Variants in C1orf185 observed in about 807,000 individuals in gnomAD.
C1orf185 encodes the protein uncharacterized protein C1orf185.
C1orf185 carries 13 observed loss-of-function variants against 16.1 expected under a neutral mutation model. That is an observed-to-expected ratio of 0.81 (90% confidence interval 0.53 to 1.28). The LOEUF is 1.28. Among genes scored for constraint, C1orf185 ranks in the 50% most tolerant of loss-of-function variants. The probability of loss-of-function intolerance (pLI) is 0.00; values close to 1 mark genes in which losing one functional copy is unlikely to be tolerated. For missense variants in C1orf185, 220 were observed against 225.2 expected, an observed-to-expected ratio of 0.98 and a Z score of 0.15; for synonymous variants, 80 against 76.9, an observed-to-expected ratio of 1.04 and a Z score of -0.21.
At position 51,147,912 on chromosome 1, in the gene C1orf185, TC is replaced by T; in HGVS notation, c.*143del. On this transcript the variant is annotated 3_prime_UTR_variant, in exon 5 of 5. Coordinates refer to ENST00000371759, the MANE Select transcript of C1orf185 (RefSeq NM_001136508.2). Reference sequence around the variant, plus strand: ...ATCAGCTTCTGAGTCTCTTAACATGTCCATGCTAATATTGCTTTTTTTGTTC... The same window carrying T: ...ATCAGCTTCTGAGTCTCTTAACATGTCATGCTAATATTGCTTTTTTTGTTC... The T allele has an allele frequency of 1.4e-6, 1 of 734,978 alleles. No individual in the cohort carries two copies. The highest frequency in any genetic ancestry group is 2.1e-6 in the Non-Finnish European group (1 of 481,128). 45.5% of individuals were successfully genotyped at this position (734,978 alleles called of 1,614,324 possible).
intron 3 of C1orf185, among the ~76,000 whole-genome samples, chr1:51,142,654 A>G (rs1293135716): frequency 6.6e-6 from 1 of 152,194 alleles, no homozygotes; most frequent in Non-Finnish European, 1.5e-5. Flanking sequence ...TTCCACATCA[A>G]CTAAGTTGTC....
chr1:51,126,761 A>T (rs911098352), intron 3 of C1orf185, among the ~76,000 whole-genome samples: 7 of 152,224 alleles, frequency 4.6e-5, no homozygotes, highest in African/African-American at 1.4e-4. Context: ...ACACTGGTAC[A>T]TTATTATTAA....
At chr1:51,102,382 G>A (rs889740152) in intron 1 of C1orf185, 133 bp downstream of exon 1, 5 of 509,960 alleles carry the variant, frequency 9.8e-6, no homozygotes, top group Non-Finnish European at 1.8e-5. Flanking sequence ...TTGAATCATG[G>A]GTATACAGTA....
At chr1:51,144,854 C>T (rs1248328609) in intron 3 of C1orf185, among the ~76,000 whole-genome samples, 2 of 152,160 alleles carry the variant, frequency 1.3e-5, no homozygotes, top group Admixed American at 6.5e-5. Context: ...ATCTCTCCAG[C>T]TTCATCATCA....
At chr1:51,116,531 C>T (rs1040662582) in intron 2 of C1orf185, among the ~76,000 whole-genome samples, 2 of 152,106 alleles carry the variant, frequency 1.3e-5, no homozygotes, top group African/African-American at 4.8e-5. Context: ...CCAGGTTGAT[C>T]TCGAACTCCT....
At chr1:51,125,960 C>T (rs1646236914) in intron 3 of C1orf185, among the ~76,000 whole-genome samples, 1 of 152,078 alleles carries the variant, frequency 6.6e-6, no homozygotes, top group South Asian at 2.1e-4. Flanking sequence ...GAGTTCAAGA[C>T]CAGCCTGGGC....
chr1:51,109,903 A>G (rs545475924), intron 1 of C1orf185, among the ~76,000 whole-genome samples: 1 of 151,826 alleles, frequency 6.6e-6, no homozygotes, highest in African/African-American at 2.4e-5. Flanking sequence ...ACATTTTAGA[A>G]TTTTTTCCTA....
intron 1 of C1orf185, among the ~76,000 whole-genome samples, chr1:51,107,785 G>A (rs533683648): frequency 3.3e-5 from 5 of 152,236 alleles, no homozygotes; most frequent in South Asian, 2.1e-4. Context: ...TCAGCATTAC[G>A]TTTATAAAAT....
intron 2 of C1orf185, among the ~76,000 whole-genome samples, chr1:51,117,821 T>G (rs899811756): frequency 1.3e-5 from 2 of 152,234 alleles, no homozygotes; most frequent in Non-Finnish European, 1.5e-5. Context: ...CTTGCTGCTT[T>G]CTTTTCTTTA....
chr1:51,144,382 G>A (rs1186652855), intron 3 of C1orf185, among the ~76,000 whole-genome samples: 1 of 152,176 alleles, frequency 6.6e-6, no homozygotes, highest in Non-Finnish European at 1.5e-5. Flanking sequence ...GCCCATACTG[G>A]CATTTGTTAA....
chr1:51,142,566 T>G (rs1646372114), intron 3 of C1orf185, among the ~76,000 whole-genome samples: 1 of 152,212 alleles, frequency 6.6e-6, no homozygotes, highest in Non-Finnish European at 1.5e-5. Context: ...GAATTCAATT[T>G]CTCTGGTAGA....
At chr1:51,124,331 C>T (rs975345970) in intron 3 of C1orf185, among the ~76,000 whole-genome samples, 10 of 152,242 alleles carry the variant, frequency 6.6e-5, no homozygotes, top group Non-Finnish European at 1.5e-4. Context: ...ATCCGCCCAC[C>T]TTGGCCTTCC....
chr1:51,125,910 C>A (rs1272297709), intron 3 of C1orf185, among the ~76,000 whole-genome samples: 1 of 152,132 alleles, frequency 6.6e-6, no homozygotes, highest in Non-Finnish European at 1.5e-5. Flanking sequence ...GTAATCCCAG[C>A]ACTTTGGGTT....
Position 51,106,933 on chromosome 1 carries a change from A to G in C1orf185, c.16+4684A>G, listed in dbSNP as rs1646077149. 2.6e-5 allele frequency among the ~76,000 whole-genome samples: 4 copies of G among 151,944 alleles called. No individual in the cohort carries two copies. The South Asian group carries it at 8.3e-4, about 32-fold the overall frequency. Reference sequence around the variant, plus strand: ...CCACCATGCTCAGCTAATTTTTTGTATTTTTAGTAGAGACAGGGTTTTACC... The same window carrying G: ...CCACCATGCTCAGCTAATTTTTTGTGTTTTTAGTAGAGACAGGGTTTTACC... On this transcript the variant is annotated intron_variant, in intron 1 of 4. Coordinates refer to ENST00000371759, the MANE Select transcript of C1orf185 (RefSeq NM_001136508.2).
At chr1:51,146,020 A>G (rs1164265353) in intron 4 of C1orf185, among the ~76,000 whole-genome samples, 3 of 152,224 alleles carry the variant, frequency 2.0e-5, no homozygotes, top group African/African-American at 4.8e-5. Context: ...AGTCAATGTC[A>G]TATAGTAATG....
intron 1 of C1orf185, among the ~76,000 whole-genome samples, chr1:51,106,542 A>C (rs1052063267): frequency 2.0e-5 from 3 of 152,134 alleles, no homozygotes; most frequent in Admixed American, 2.0e-4. Context: ...TGGGAGGCCA[A>C]GGAGGGAGGA....
chr1:51,145,719 T>C lies in C1orf185; in HGVS notation c.259-5T>C, dbSNP rs571071175. ...TTAAAACACAAATAACTTTTTTTAATGTAGGAGGAGCAAAGAAAAAAGGAA... is the reference window on the plus strand; with the variant it reads ...TTAAAACACAAATAACTTTTTTTAACGTAGGAGGAGCAAAGAAAAAAGGAA... On this transcript the variant is annotated splice_region_variant and splice_polypyrimidine_tract_variant and intron_variant, in intron 3 of 4. Transcript: ENST00000371759. 1.2e-5 allele frequency: 15 copies of C among 1,297,520 alleles called. No homozygotes were observed. The highest frequency in any genetic ancestry group is 2.3e-4 in the Middle Eastern group (1 of 4,440). The allele number at this position is 1,297,520 out of a possible 1,614,324, so 80.4% of individuals were successfully genotyped here.
chr1:51,108,756 A>G (rs964638784), intron 1 of C1orf185, among the ~76,000 whole-genome samples: 1 of 152,134 alleles, frequency 6.6e-6, no homozygotes, highest in Non-Finnish European at 1.5e-5. Context: ...TTCATTTGTT[A>G]TTAGGACTGA....
chr1:51,122,804 C>T (rs757802468), intron 3 of C1orf185, among the ~76,000 whole-genome samples: 6 of 152,108 alleles, frequency 3.9e-5, no homozygotes, highest in Non-Finnish European at 8.8e-5. Context: ...AAAGTTTTTG[C>T]CTTTTCCAGA....
Sources: allele counts gnomAD v4.1 joint callset (sites outside exome capture counted in the v4.1 genomes callset), GRCh38; gene constraint gnomAD v4.1.1; transcripts MANE v1.5; gene names NCBI Gene and HGNC (gene_info 2026-07-23, HGNC 2026-07-21).